The following KCTD1 variants were observed in gnomAD, a reference collection of about 807,000 sequenced individuals.
KCTD1 encodes the protein BTB/POZ domain-containing protein KCTD1.
A neutral mutation model predicts 66.0 loss-of-function variants in KCTD1; 24 were observed. The observed-to-expected ratio is 0.36, with a 90% CI of 0.26 to 0.51. KCTD1 has a LOEUF of 0.51. KCTD1 is among the 20% of genes least tolerant of loss of function. The pLI is 0.95. For missense variants in KCTD1, 943 were observed against 1,205.2 expected, an observed-to-expected ratio of 0.78 and a Z score of 3.22; for synonymous variants, 511 against 517.2, an observed-to-expected ratio of 0.99 and a Z score of 0.16.
chr18:26,649,014 C>A (rs1987979275), intron 1 of KCTD1, among the ~76,000 whole-genome samples: 1 of 152,194 alleles, frequency 6.6e-6, no homozygotes. Context: ...GTTTTCCTCA[C>A]CCACATTGTA....
At chr18:26,594,775 G>A (rs1781984853) in intron 1 of KCTD1, among the ~76,000 whole-genome samples, 1 of 152,030 alleles carries the variant, frequency 6.6e-6, no homozygotes, top group South Asian at 2.1e-4. Flanking sequence ...CATGTGAGTG[G>A]GCCTCATCCA....
intron 1 of KCTD1, among the ~76,000 whole-genome samples, chr18:26,578,057 C>CTTTTTTTTTTTT (rs11381611): frequency 2.6e-5 from 3 of 117,044 alleles, no homozygotes; most frequent in African/African-American, 6.7e-5. Context: ...TCTTTTCTTT[C>CTTTTTTTTTTTT]TTTTTTTTTT....
chr18:26,461,188 T>TAGC (rs906989265), intron 3 of KCTD1, among the ~76,000 whole-genome samples: 4 of 152,206 alleles, frequency 2.6e-5, no homozygotes, highest in African/African-American at 9.7e-5. Context: ...AATCAAGCAA[T>TAGC]AGCAGCAGCA....
chr18:26,645,252 A>G (rs1413231216), upstream of KCTD1, among the ~76,000 whole-genome samples: 1 of 152,056 alleles, frequency 6.6e-6, no homozygotes, highest in East Asian at 1.9e-4. Flanking sequence ...TTTTTTAGAG[A>G]TAGGGTCTCA....
chr18:26,592,618 T>TA (rs1986634733), intron 1 of KCTD1, among the ~76,000 whole-genome samples: 1 of 152,226 alleles, frequency 6.6e-6, no homozygotes, highest in Non-Finnish European at 1.5e-5. Context: ...TGCCCTTCTC[T>TA]ACTCCAAAGA....
upstream of KCTD1, chr18:26,549,292 A>C (rs1005989892): frequency 4.1e-6 from 4 of 984,960 alleles, no homozygotes; most frequent in Admixed American, 1.2e-4. Context: ...GCGGCTCCCA[A>C]CTCCCTTTCC....
upstream of KCTD1, chr18:26,549,153 C>T (rs1223167848): frequency 1.0e-6 from 1 of 984,950 alleles, no homozygotes; most frequent in Non-Finnish European, 1.2e-6. Context: ...ACGGCGAGGC[C>T]CCGCACCCTC....
rs553771632 is a variant in KCTD1 at position 26,620,728 on chromosome 18, G to A, written c.-16+8419C>T. On this transcript the variant is annotated intron_variant, in intron 1 of 4. Coordinates refer to the KCTD1 transcript ENST00000317932. ...TGGGATTACAGGTGTGAGGCACTGA[G>A]CCTGGCCTAAAATTGCAAATTTGAT... is the stretch of plus-strand genomic sequence containing the variant. Among the ~76,000 whole-genome samples, 9 of 152,060 alleles carry A rather than the reference G, an allele frequency of 5.9e-5. No homozygotes were observed. The South Asian group carries it at 1.9e-3, about 32-fold the overall frequency.
intron 1 of KCTD1, among the ~76,000 whole-genome samples, chr18:26,512,745 C>T (rs1308183916): frequency 1.3e-5 from 2 of 152,064 alleles, no homozygotes; most frequent in African/African-American, 4.8e-5. Flanking sequence ...CTTTGGGAGG[C>T]CAAGGCAGGT....
rs560258383 is a variant in KCTD1 at position 26,548,520 on chromosome 18, C to T, written c.17G>A (p.Gly6Asp). ...CGCGCTGGTGTTACAGTCCCCGCTG[C>T]CAGGCATTCTCGCCATATTGCCGTC... MARMP[G>D]SGDCNTSAGG... The change falls in exon 1 of 5, where the codon GGC (glycine) becomes GAC (aspartate). Residue 6 changes from glycine (G) to aspartate (D), a missense_variant. Physicochemically the swap from Gly to Asp is moderately conservative, Grantham distance 94. Coordinates refer to ENST00000580059, the MANE Select transcript of KCTD1 (RefSeq NM_001142730.3). 1 of 1,238,906 alleles carries T rather than the reference C, an allele frequency of 8.1e-7. No homozygotes were observed. 76.7% of individuals were successfully genotyped at this position (1,238,906 alleles called of 1,614,324 possible). A position where few individuals can be genotyped will look rare whatever the true frequency, so the allele number is the denominator to read the frequency against.
intron 1 of KCTD1, among the ~76,000 whole-genome samples, chr18:26,579,575 T>C (rs1986306575): frequency 6.6e-6 from 1 of 152,234 alleles, no homozygotes; most frequent in Non-Finnish European, 1.5e-5. Context: ...CTGTGTTCTC[T>C]TAAAATATAA....
At chr18:26,655,043 T>C (rs528432998) in intron 1 of KCTD1, among the ~76,000 whole-genome samples, 6 of 152,368 alleles carry the variant, frequency 3.9e-5, no homozygotes, top group South Asian at 2.1e-4. Flanking sequence ...AGGCTATTAG[T>C]TGCCACAGAT....
intron 1 of KCTD1, among the ~76,000 whole-genome samples, chr18:26,610,136 T>C (rs763177689): frequency 1.3e-5 from 2 of 152,264 alleles, no homozygotes; most frequent in Non-Finnish European, 1.5e-5. Context: ...ATCTATCTTG[T>C]AAGTCCACTT....
rs1985390498 is a variant in KCTD1 at position 26,548,506 on chromosome 18, T to C, written c.31A>G (p.Asn11Asp). The C allele has an allele frequency of 2.4e-6, 3 of 1,241,164 alleles. No individual in the cohort carries two copies. The highest frequency in any genetic ancestry group is 3.0e-6 in the Non-Finnish European group (3 of 998,402). 76.9% of individuals were successfully genotyped at this position (1,241,164 alleles called of 1,614,324 possible). The part of the protein sequence containing the change: MARMPGSGDC[N>D]TSAGGSASAA... ...CTGGCGCTGCCGCCCGCGCTGGTGT[T>C]ACAGTCCCCGCTGCCAGGCATTCTC... Residue 11 changes from asparagine (N) to aspartate (D), a missense_variant, in exon 1 of 5, where the codon AAC (asparagine) becomes GAC (aspartate). By Grantham distance (23) the Asn-to-Asp change is conservative (BLOSUM62 1). Transcript: ENST00000580059.
intron 1 of KCTD1, among the ~76,000 whole-genome samples, chr18:26,600,811 G>A (rs1404054367): frequency 2.6e-5 from 4 of 151,756 alleles, no homozygotes; most frequent in Admixed American, 1.3e-4. Flanking sequence ...ACCTCCTCAG[G>A]GCACCAGAGG....
At chr18:26,562,862 C>A (rs141569718) in intron 1 of KCTD1, among the ~76,000 whole-genome samples, 147 of 152,230 alleles carry the variant, frequency 9.7e-4, no homozygotes, top group Admixed American at 1.4e-3. Flanking sequence ...TCAGTTCTAC[C>A]AGATTAGGGC....
At chr18:26,477,733 A>G (rs1313334058) in intron 2 of KCTD1, among the ~76,000 whole-genome samples, 4 of 152,206 alleles carry the variant, frequency 2.6e-5, no homozygotes, top group Non-Finnish European at 5.9e-5. Context: ...CCCAGAAGAA[A>G]GGCATGTGAA....
intron 1 of KCTD1, among the ~76,000 whole-genome samples, chr18:26,564,179 G>A (rs954040868): frequency 9.9e-5 from 15 of 152,268 alleles, no homozygotes; most frequent in Admixed American, 7.8e-4. Context: ...ACAAGGAGAA[G>A]GACTGGGATG....
upstream of KCTD1, among the ~76,000 whole-genome samples, chr18:26,644,395 A>T (rs1987893081): frequency 6.6e-6 from 1 of 152,142 alleles, no homozygotes; most frequent in Non-Finnish European, 1.5e-5. Flanking sequence ...CTGTGGAAAC[A>T]AGTGTCCACT....
Sources: gnomAD v4.1 joint callset for allele counts (sites outside exome capture counted in the v4.1 genomes callset) on GRCh38, gnomAD v4.1.1 for gene constraint, MANE v1.5 for transcripts, NCBI Gene and HGNC (gene_info 2026-07-23, HGNC 2026-07-21) for gene names.